TTC29: variants seen among roughly 807,000 people sequenced by gnomAD.
TTC29 encodes tetratricopeptide repeat domain 29.
Under a neutral mutation model 58.1 loss-of-function variants are expected in TTC29, and 49 were observed. The ratio of observed to expected loss-of-function variants is 0.84; its 90% CI spans 0.67 to 1.07. The LOEUF is 1.07. TTC29 is among the 50% of genes least tolerant of loss of function. The pLI is 0.00. For synonymous variants in TTC29, 209 were observed against 196.8 expected, an observed-to-expected ratio of 1.06 and a Z score of -0.52; for missense variants, 582 against 555.6, an observed-to-expected ratio of 1.05 and a Z score of -0.48.
chr4:146,921,967 T>C (rs1347733261), intron 4 of TTC29, among the ~76,000 whole-genome samples: 1 of 140,812 alleles, frequency 7.1e-6, no homozygotes, highest in Non-Finnish European at 1.5e-5. Flanking sequence ...ATGACACACT[T>C]ACTAAGCATG....
chr4:146,822,435 A>G (rs1388514330), intron 9 of TTC29, among the ~76,000 whole-genome samples: 2 of 152,188 alleles, frequency 1.3e-5, no homozygotes, highest in Non-Finnish European at 2.9e-5. Flanking sequence ...CAATGGCTGC[A>G]TAGTATTCCA....
At chr4:146,711,775 A>T (rs1290858539) in intron 11 of TTC29, among the ~76,000 whole-genome samples, 2 of 152,104 alleles carry the variant, frequency 1.3e-5, no homozygotes, top group Admixed American at 1.3e-4. Context: ...TCAGAAACTG[A>T]TTTCTGAAAA....
At chr4:146,852,615 A>G (rs1018293873) in intron 8 of TTC29, among the ~76,000 whole-genome samples, 5 of 152,206 alleles carry the variant, frequency 3.3e-5, no homozygotes, top group Non-Finnish European at 5.9e-5. Context: ...TGAGGGAACA[A>G]CAGCTTCCCT....
At chr4:146,744,194 TG>T (rs1005793460) in intron 11 of TTC29, among the ~76,000 whole-genome samples, 39 of 152,252 alleles carry the variant, frequency 2.6e-4, no homozygotes, top group African/African-American at 8.4e-4. Flanking sequence ...ATGTTTCCCA[TG>T]TGGAAATGTG....
At chr4:146,758,575 G>T (rs919145145) in intron 11 of TTC29, among the ~76,000 whole-genome samples, 2 of 152,050 alleles carry the variant, frequency 1.3e-5, no homozygotes, top group Non-Finnish European at 2.9e-5. Context: ...CTCCAAGATA[G>T]ACCATAAGAT....
chr4:146,849,733 C>A (rs903319248), intron 8 of TTC29, among the ~76,000 whole-genome samples: 2 of 151,976 alleles, frequency 1.3e-5, no homozygotes, highest in African/African-American at 4.8e-5. Flanking sequence ...TACTCCTTAT[C>A]TCCACTCTTC....
rs190230910 is a variant in TTC29, at chr4:146,801,760, C to G, written c.1330+1697G>C. On this transcript the variant is annotated intron_variant, in intron 11 of 12. Transcript: ENST00000325106. ...GGGAGGCCAAGATGGGTAGATCATG[C>G]GATCAGGAGATCAAGACCATCCTGG... is the stretch of plus-strand genomic sequence containing the variant. 2.5e-3 allele frequency among the ~76,000 whole-genome samples: 375 copies of G among 151,722 alleles called. 1 individual carries two copies. The highest frequency in any genetic ancestry group is 3.6e-3 in the Non-Finnish European group (246 of 67,884).
chr4:146,790,368 T>C (rs1749351843), intron 11 of TTC29, among the ~76,000 whole-genome samples: 1 of 152,044 alleles, frequency 6.6e-6, no homozygotes, highest in South Asian at 2.1e-4. Flanking sequence ...TTTGTATTTT[T>C]AGTAGAGACA....
intron 11 of TTC29, among the ~76,000 whole-genome samples, chr4:146,760,618 C>A (rs1746811846): frequency 6.6e-6 from 1 of 151,314 alleles, no homozygotes; most frequent in African/African-American, 2.4e-5. Flanking sequence ...AATAGAGAAC[C>A]CAGAAATGAA....
chr4:146,867,467 A>T (rs1230810553), intron 8 of TTC29, 31 bp downstream of exon 8: 6 of 1,092,796 alleles, frequency 5.5e-6, no homozygotes, highest in Non-Finnish European at 7.6e-6. Context: ...AATAAAAATT[A>T]AAAATGGCAG....
At chr4:146,871,916 T>C (rs1389526607) in intron 7 of TTC29, among the ~76,000 whole-genome samples, 4 of 151,964 alleles carry the variant, frequency 2.6e-5, no homozygotes, top group African/African-American at 9.7e-5. Context: ...AAAATTCACA[T>C]GGAAATGCAA....
At chr4:146,886,158 A>G (rs1561220430) in intron 6 of TTC29, among the ~76,000 whole-genome samples, 1 of 151,970 alleles carries the variant, frequency 6.6e-6, no homozygotes, top group Non-Finnish European at 1.5e-5. Flanking sequence ...ATGTCTGATA[A>G]TCATCCTTTC....
At chr4:146,865,842 T>C (rs1193817640) in intron 8 of TTC29, among the ~76,000 whole-genome samples, 4 of 152,270 alleles carry the variant, frequency 2.6e-5, no homozygotes, top group Middle Eastern at 3.4e-3. Context: ...TATATAGATA[T>C]ATCAAAACAT....
chr4:146,766,951 A>G (rs911625559), intron 11 of TTC29, among the ~76,000 whole-genome samples: 2 of 152,086 alleles, frequency 1.3e-5, no homozygotes, highest in African/African-American at 4.8e-5. Flanking sequence ...ACAAATTCCA[A>G]TTGGAATTCT....
At chr4:146,922,012 C>CAAAA (rs34167190) in intron 4 of TTC29, among the ~76,000 whole-genome samples, 147 of 107,228 alleles carry the variant, frequency 1.4e-3, no homozygotes, top group African/African-American at 2.8e-3. Context: ...GGATCCCCTA[C>CAAAA]AAAAAAAAAA....
chr4:146,766,615 T>C (rs945120713), intron 11 of TTC29, among the ~76,000 whole-genome samples: 1 of 152,114 alleles, frequency 6.6e-6, no homozygotes, highest in Non-Finnish European at 1.5e-5. Context: ...AAGCTATTAG[T>C]CTCATTATTG....
intron 11 of TTC29, among the ~76,000 whole-genome samples, chr4:146,802,952 A>T (rs1293884701): frequency 6.6e-6 from 1 of 152,190 alleles, no homozygotes; most frequent in African/African-American, 2.4e-5. Flanking sequence ...CTTCAATTCT[A>T]TTGAATAAGA....
intron 8 of TTC29, among the ~76,000 whole-genome samples, chr4:146,865,491 A>G (rs559017354): frequency 6.6e-6 from 1 of 152,284 alleles, no homozygotes; most frequent in South Asian, 2.1e-4. Context: ...GTACTCATGG[A>G]CATAAAGATG....
At chr4:146,898,706 G>T (rs1732939999) in intron 6 of TTC29, among the ~76,000 whole-genome samples, 1 of 152,122 alleles carries the variant, frequency 6.6e-6, no homozygotes, top group African/African-American at 2.4e-5. Flanking sequence ...TTTTCCTCTG[G>T]GTTTCCCACA....
Sources: allele counts gnomAD v4.1 joint callset (sites outside exome capture counted in the v4.1 genomes callset), GRCh38; gene constraint gnomAD v4.1.1; transcripts MANE v1.5; gene names NCBI Gene and HGNC (gene_info 2026-07-23, HGNC 2026-07-21).